The following NACC2 variants were observed in gnomAD, a reference collection of about 807,000 sequenced individuals.
The protein encoded by NACC2 is nucleus accumbens-associated protein 2.
In NACC2, 8 loss-of-function variants were observed where a neutral mutation model predicts 25.1. The ratio of observed to expected loss-of-function variants is 0.32; its 90% CI spans 0.19 to 0.57. NACC2 has a LOEUF of 0.57. NACC2 is among the 20% of genes least tolerant of loss of function. The probability of loss-of-function intolerance (pLI) is 0.89; values close to 1 mark genes in which losing one functional copy is unlikely to be tolerated. For synonymous variants in NACC2, 435 were observed against 294.7 expected, an observed-to-expected ratio of 1.48 and a Z score of -4.88; for missense variants, 644 against 650.2, an observed-to-expected ratio of 0.99 and a Z score of 0.10.
Position 136,011,768 on chromosome 9 carries a change from G to C in NACC2, c.1512C>G (p.Ala504=). ...RIYAERRGDA[A]TIVALRTDAV... is the part of the protein sequence containing the mutation. ...CGTCAGTTCTCAGAGCCACGATGGT[G>C]GCGGCGTCGCCCCGCCGCTCGGCGT... The change falls in exon 6 of 6, where the codon GCC becomes GCG. Residue 504 remains alanine, a synonymous_variant. Transcript: ENST00000277554. The C allele has an allele frequency of 2.0e-6, 3 of 1,535,978 alleles. No homozygotes were observed. Among genetic ancestry groups the C allele is most frequent in the Non-Finnish European group, 2.6e-6 (3 of 1,140,264 alleles).
intron 1 of NACC2, among the ~76,000 whole-genome samples, chr9:136,070,668 G>GAAAAAA (rs34755994): frequency 7.4e-6 from 1 of 135,852 alleles, no homozygotes; most frequent in Non-Finnish European, 1.6e-5. Context: ...CAAGGAATCA[G>GAAAAAA]AAAAAAAAAA....
intron 1 of NACC2, among the ~76,000 whole-genome samples, chr9:136,061,110 T>C (rs11103297): frequency 0.99 from 150,828 of 152,258 alleles, 74,717 homozygotes; most frequent in East Asian, 1. Flanking sequence ...AGGTAAGGGG[T>C]TCCTCTTCTG....
chr9:136,037,823 A>G (rs1007194929), intron 2 of NACC2, among the ~76,000 whole-genome samples: 1 of 152,136 alleles, frequency 6.6e-6, no homozygotes, highest in East Asian at 1.9e-4. Context: ...TTTCATTTCT[A>G]TTGGGTCAAT....
At chr9:136,067,620 G>C (rs1318990213) in intron 1 of NACC2, among the ~76,000 whole-genome samples, 1 of 152,058 alleles carries the variant, frequency 6.6e-6, no homozygotes, top group Non-Finnish European at 1.5e-5. Context: ...GGCAGATCAC[G>C]AGGTCAAGAG....
intron 1 of NACC2, among the ~76,000 whole-genome samples, chr9:136,081,871 A>G (rs1397513863): frequency 9.6e-6 from 1 of 103,954 alleles, no homozygotes; most frequent in Non-Finnish European, 1.9e-5. Flanking sequence ...ACCCCCGCCC[A>G]CCGGACCCCT....
chr9:136,083,402 C>T (rs565949254), intron 1 of NACC2, among the ~76,000 whole-genome samples: 1 of 152,240 alleles, frequency 6.6e-6, no homozygotes, highest in African/African-American at 2.4e-5. Flanking sequence ...GGCAGGTGGA[C>T]ACTTTGGCCT....
chr9:136,043,521 C>T (rs1234211071), intron 2 of NACC2, among the ~76,000 whole-genome samples: 2 of 152,236 alleles, frequency 1.3e-5, no homozygotes, highest in Non-Finnish European at 2.9e-5. Context: ...GGGAGTGCGG[C>T]CTCATGCAGC....
chr9:136,052,058 C>G (rs931670243), intron 1 of NACC2, among the ~76,000 whole-genome samples: 13 of 152,200 alleles, frequency 8.5e-5, no homozygotes, highest in Non-Finnish European at 1.3e-4. Flanking sequence ...TCCGGCGGCT[C>G]GGGAATGAAT....
intron 1 of NACC2, among the ~76,000 whole-genome samples, chr9:136,075,089 G>A (rs988335444): frequency 5.9e-5 from 9 of 152,354 alleles, no homozygotes; most frequent in East Asian, 1.9e-4. Flanking sequence ...GAAATGAGCC[G>A]ATTCCACCTT....
intron 2 of NACC2, among the ~76,000 whole-genome samples, chr9:136,033,598 T>C (rs7024715): frequency 0.41 from 58,014 of 141,692 alleles, 11,812 homozygotes; most frequent in East Asian, 0.63. Flanking sequence ...TGGAGTGAGC[T>C]GAGATCTGCC....
intron 1 of NACC2, among the ~76,000 whole-genome samples, chr9:136,089,719 C>A (rs1023383363): frequency 6.6e-6 from 1 of 151,972 alleles, no homozygotes. Context: ...TTCTACTTTC[C>A]CTCTTCATTT....
At chr9:136,031,641 G>A (rs752348350) in intron 2 of NACC2, among the ~76,000 whole-genome samples, 10 of 151,996 alleles carry the variant, frequency 6.6e-5, no homozygotes, top group Non-Finnish European at 1.2e-4. Flanking sequence ...CCCGGCCCAC[G>A]GCCCCATTTT....
intron 1 of NACC2, among the ~76,000 whole-genome samples, chr9:136,063,902 A>C (rs191686574): frequency 0.026 from 4,003 of 151,148 alleles, 73 homozygotes; most frequent in Non-Finnish European, 0.041. Flanking sequence ...AAAAAACAAA[A>C]AAAACAAAAA....
chr9:136,075,405 C>T (rs982371177), intron 1 of NACC2, among the ~76,000 whole-genome samples: 1 of 152,362 alleles, frequency 6.6e-6, no homozygotes, highest in South Asian at 2.1e-4. Context: ...CCACTCTCCC[C>T]GGGCTTGGAA....
chr9:136,035,712 T>TAA (rs35266940), intron 2 of NACC2, among the ~76,000 whole-genome samples: 242 of 145,970 alleles, frequency 1.7e-3, no homozygotes, highest in Middle Eastern at 3.5e-3. Flanking sequence ...CCTTGTTTGT[T>TAA]AAAAAAAAAA....
chr9:136,079,184 C>G (rs1233781685), intron 1 of NACC2, among the ~76,000 whole-genome samples: 1 of 152,162 alleles, frequency 6.6e-6, no homozygotes, highest in Non-Finnish European at 1.5e-5. Flanking sequence ...GGGCTAAGGG[C>G]TGAAGAGGCT....
intron 2 of NACC2, among the ~76,000 whole-genome samples, chr9:136,027,031 C>T (rs1472197710): frequency 6.6e-6 from 1 of 152,180 alleles, no homozygotes; most frequent in Non-Finnish European, 1.5e-5. Flanking sequence ...GAGTTCAAGA[C>T]CAGCCTGGCC....
intron 2 of NACC2, among the ~76,000 whole-genome samples, chr9:136,026,798 A>C (rs933461687): frequency 1.8e-4 from 27 of 152,246 alleles, no homozygotes; most frequent in South Asian, 6.2e-4. Context: ...ATACCTGATT[A>C]ATCAGAAAGG....
At chr9:136,035,112 A>T (rs1004378552) in intron 2 of NACC2, among the ~76,000 whole-genome samples, 12 of 152,098 alleles carry the variant, frequency 7.9e-5, no homozygotes, top group Non-Finnish European at 4.4e-5. Flanking sequence ...AACAAAAACC[A>T]ATCCTATTTG....
Sources: allele counts gnomAD v4.1 joint callset (sites outside exome capture counted in the v4.1 genomes callset), GRCh38; gene constraint gnomAD v4.1.1; transcripts MANE v1.5; gene names NCBI Gene and HGNC (gene_info 2026-07-23, HGNC 2026-07-21).